MYO5B: variants seen among roughly 807,000 people sequenced by gnomAD.
MYO5B encodes unconventional myosin-Vb.
MYO5B carries 143 observed loss-of-function variants against 229.3 expected under a neutral mutation model. The observed-to-expected ratio is 0.62, with a 90% CI of 0.54 to 0.72. The LOEUF (loss-of-function observed/expected upper bound fraction) is 0.72, where lower values mean the gene tolerates loss of function less well. Among genes scored for constraint, MYO5B ranks in the 30% least tolerant of loss-of-function variants. MYO5B has a pLI of 0.00. For missense variants in MYO5B, 2,321 were observed against 2,331.0 expected, an observed-to-expected ratio of 1.00 and a Z score of 0.09; for synonymous variants, 918 against 885.2, an observed-to-expected ratio of 1.04 and a Z score of -0.66.
intron 1 of MYO5B, among the ~76,000 whole-genome samples, chr18:50,095,311 C>T (rs57181716): frequency 0.15 from 22,192 of 152,220 alleles, 1,704 homozygotes; most frequent in East Asian, 0.23. Flanking sequence ...AGTAATTCCA[C>T]CCATGAAATA....
At chr18:50,032,784 G>A (rs376810366) in intron 4 of MYO5B, among the ~76,000 whole-genome samples, 6 of 152,120 alleles carry the variant, frequency 3.9e-5, no homozygotes, top group South Asian at 2.1e-4. Context: ...TCAGGAGTTC[G>A]AGACCAGCCT....
chr18:49,896,209 ACCAGTACGG>A (rs1568021931), intron 21 of MYO5B, among the ~76,000 whole-genome samples: 1 of 152,134 alleles, frequency 6.6e-6, no homozygotes, highest in Non-Finnish European at 1.5e-5. Flanking sequence ...TGTGGTTGTG[ACCAGTACGG>A]CAATGCACAA....
At chr18:50,102,585 T>C (rs2144504416) in intron 1 of MYO5B, among the ~76,000 whole-genome samples, 1 of 152,266 alleles carries the variant, frequency 6.6e-6, no homozygotes, top group East Asian at 1.9e-4. Context: ...ATACCTCTGA[T>C]GCAGGGTGAA....
chr18:50,147,003 T>C (rs1199530788), intron 1 of MYO5B, among the ~76,000 whole-genome samples: 1 of 152,174 alleles, frequency 6.6e-6, no homozygotes. Flanking sequence ...ATAAGGAGCA[T>C]CACACTTCAC....
chr18:50,112,604 T>A (rs2031886606), intron 1 of MYO5B, among the ~76,000 whole-genome samples: 1 of 152,188 alleles, frequency 6.6e-6, no homozygotes. Context: ...GAAAAACCTT[T>A]TTCTGTCTGC....
intron 1 of MYO5B, among the ~76,000 whole-genome samples, chr18:50,111,917 C>T (rs760667321): frequency 5.9e-5 from 9 of 152,164 alleles, no homozygotes; most frequent in Non-Finnish European, 1.3e-4. Context: ...CTACTGAGTA[C>T]CTACTATGTG....
chr18:49,953,174 C>T (rs1483933891), intron 14 of MYO5B, 86 bp downstream of exon 14: 1 of 1,279,564 alleles, frequency 7.8e-7, no homozygotes, highest in East Asian at 2.3e-5. Flanking sequence ...TCTGTCTTTC[C>T]ACCCCAAGGA....
chr18:49,939,148 CTTT>C (rs11313115), intron 14 of MYO5B, among the ~76,000 whole-genome samples: 6 of 119,046 alleles, frequency 5.0e-5, no homozygotes, highest in East Asian at 2.3e-4. Context: ...TCTTTTTTTT[CTTT>C]TTTTTTTTTT....
intron 1 of MYO5B, among the ~76,000 whole-genome samples, chr18:50,070,089 T>C (rs1378212399): frequency 8.7e-5 from 13 of 148,782 alleles, no homozygotes; most frequent in Non-Finnish European, 4.4e-5. Context: ...GGGCGTGATC[T>C]CGGTTCACTG....
At chr18:50,184,749 A>G (rs1054872315) in intron 1 of MYO5B, among the ~76,000 whole-genome samples, 1 of 152,070 alleles carries the variant, frequency 6.6e-6, no homozygotes, top group African/African-American at 2.4e-5. Context: ...ATCTCAAAAT[A>G]TAGAGTGGAC....
At chr18:50,122,439 T>TAGAAA (rs2032074781) in intron 1 of MYO5B, among the ~76,000 whole-genome samples, 1 of 41,878 alleles carries the variant, frequency 2.4e-5, no homozygotes, top group Non-Finnish European at 3.9e-5. Flanking sequence ...CTGTCTCAAC[T>TAGAAA]AAAAAAAAAA....
chr18:49,977,098 T>G (rs984517296), intron 9 of MYO5B, among the ~76,000 whole-genome samples: 13 of 152,080 alleles, frequency 8.5e-5, no homozygotes, highest in Admixed American at 8.5e-4. Flanking sequence ...GAGACTTGTC[T>G]GAGAAACCAC....
chr18:49,993,386 G>A (rs776553427), intron 5 of MYO5B, among the ~76,000 whole-genome samples: 10 of 151,828 alleles, frequency 6.6e-5, no homozygotes, highest in Non-Finnish European at 8.8e-5. Context: ...CACGATGCCC[G>A]GCAGCCATCT....
intron 39 of MYO5B, among the ~76,000 whole-genome samples, chr18:49,826,905 G>A (rs918737900): frequency 6.6e-6 from 1 of 151,818 alleles, no homozygotes; most frequent in African/African-American, 2.4e-5. Context: ...CATCTCAGGT[G>A]CAAACCATAT....
intron 16 of MYO5B, among the ~76,000 whole-genome samples, chr18:49,930,981 G>A (rs2025184376): frequency 6.6e-6 from 1 of 151,982 alleles, no homozygotes; most frequent in Non-Finnish European, 1.5e-5. Flanking sequence ...CATAGAGAAA[G>A]AATTAAGGCA....
rs1254980687 is a variant in MYO5B, at chr18:49,998,251, G to C, written c.612+3004C>G. Among the ~76,000 whole-genome samples, 3 of 152,128 alleles carry C rather than the reference G, an allele frequency of 2.0e-5. No homozygotes were observed. In the East Asian group the frequency reaches 5.8e-4, roughly 29 times the overall value. ...TGACAAAATGCTCCATTTGACAGAA[G>C]AAACCCTCAGGACTTACATAATTTC... is the stretch of plus-strand genomic sequence containing the variant. On this transcript the variant is annotated intron_variant, in intron 5 of 39. Transcript: ENST00000285039.
At chr18:50,121,932 G>A (rs1421452995) in intron 1 of MYO5B, among the ~76,000 whole-genome samples, 1 of 152,194 alleles carries the variant, frequency 6.6e-6, no homozygotes, top group Non-Finnish European at 1.5e-5. Flanking sequence ...TAAAATATTT[G>A]AAGTGGACAT....
At chr18:50,189,389 A>T (rs1041414526) in intron 1 of MYO5B, among the ~76,000 whole-genome samples, 1 of 152,246 alleles carries the variant, frequency 6.6e-6, no homozygotes, top group Non-Finnish European at 1.5e-5. Flanking sequence ...AACTGAAAAC[A>T]GTATGGGTCA....
chr18:49,871,434 T>A (rs954507619), intron 27 of MYO5B: 1 of 154,274 alleles, frequency 6.5e-6, no homozygotes, highest in African/African-American at 2.4e-5. Flanking sequence ...GATGGTAAAT[T>A]TTTTGTGTAT....
Sources: gnomAD v4.1 joint callset for allele counts (sites outside exome capture counted in the v4.1 genomes callset) on GRCh38, gnomAD v4.1.1 for gene constraint, MANE v1.5 for transcripts, NCBI Gene and HGNC (gene_info 2026-07-23, HGNC 2026-07-21) for gene names.